Variants in PRKN observed in about 807,000 individuals in gnomAD.
PRKN encodes E3 ubiquitin-protein ligase parkin.
PRKN carries 56 observed loss-of-function variants against 59.5 expected under a neutral mutation model. That is an observed-to-expected ratio of 0.94 (90% CI 0.76 to 1.18). The LOEUF (loss-of-function observed/expected upper bound fraction) is 1.18. Among genes scored for constraint, PRKN ranks in the 50% most tolerant of loss-of-function variants. The pLI is 0.00. For missense variants in PRKN, 657 were observed against 596.4 expected, an observed-to-expected ratio of 1.10 and a Z score of -1.06; for synonymous variants, 250 against 222.1, an observed-to-expected ratio of 1.13 and a Z score of -1.12.
At chr6:161,874,498 A>AATATATTATATGTAAAAT (rs1275045882) in intron 6 of PRKN, among the ~76,000 whole-genome samples, 2 of 80,486 alleles carry the variant, frequency 2.5e-5, no homozygotes, top group African/African-American at 8.3e-5. Flanking sequence ...TTATATGTAA[A>AATATATTATATGTAAAAT]ATATATTATA....
chr6:162,253,042 G>T (rs1779499696), intron 3 of PRKN, among the ~76,000 whole-genome samples: 1 of 152,348 alleles, frequency 6.6e-6, no homozygotes, highest in East Asian at 1.9e-4. Context: ...CCTACCACCT[G>T]CGTGTGCTAT....
intron 2 of PRKN, among the ~76,000 whole-genome samples, chr6:162,359,675 T>C (rs762420680): frequency 8.5e-5 from 13 of 152,090 alleles, no homozygotes; most frequent in Non-Finnish European, 1.8e-4. Context: ...CCAAAATGTC[T>C]TAATACCCAC....
rs183873232 is a variant in PRKN at position 161,999,466 on chromosome 6, C to A, written c.619-26049G>T. 1.1e-3 allele frequency among the ~76,000 whole-genome samples: 172 copies of A among 152,230 alleles called. 2 individuals are homozygous for A. The Middle Eastern group carries it at 0.024, about 21-fold the overall frequency. On this transcript the variant is annotated intron_variant, in intron 5 of 11. Transcript: ENST00000366898. ...GTGTCTTGTAGTGAAAAGGTGAAAG[C>A]ACAAGCAGTGAATCCCCATCTATGC...
At chr6:162,418,386 G>T (rs1562750074) in intron 2 of PRKN, among the ~76,000 whole-genome samples, 1 of 152,114 alleles carries the variant, frequency 6.6e-6, no homozygotes, top group African/African-American at 2.4e-5. Flanking sequence ...TTCTTTTGGG[G>T]TTGATGAAAG....
intron 5 of PRKN, among the ~76,000 whole-genome samples, chr6:161,997,618 G>C (rs1246417954): frequency 6.6e-6 from 1 of 152,134 alleles, no homozygotes; most frequent in Non-Finnish European, 1.5e-5. Context: ...TGTCTACTCA[G>C]AACATACTAA....
chr6:162,531,148 C>T (rs1194716849), intron 1 of PRKN, among the ~76,000 whole-genome samples: 1 of 151,590 alleles, frequency 6.6e-6, no homozygotes, highest in Non-Finnish European at 1.5e-5. Context: ...GGGTGGATCA[C>T]CTGAGGTCAG....
chr6:162,003,108 G>T (rs966596134), intron 5 of PRKN, among the ~76,000 whole-genome samples: 6 of 151,434 alleles, frequency 4.0e-5, no homozygotes. Flanking sequence ...TGGTGGAAGT[G>T]GTCTATAGAG....
At chr6:162,359,985 C>T (rs578077796) in intron 2 of PRKN, among the ~76,000 whole-genome samples, 90 of 152,224 alleles carry the variant, frequency 5.9e-4, no homozygotes, top group Middle Eastern at 6.8e-3. Context: ...TCTCAGTTCT[C>T]GTCCCATGTC....
intron 6 of PRKN, among the ~76,000 whole-genome samples, chr6:161,913,487 G>A (rs1049954671): frequency 7.9e-5 from 12 of 151,986 alleles, no homozygotes; most frequent in Non-Finnish European, 1.3e-4. Flanking sequence ...CTATTGGATT[G>A]GAAGATATTT....
rs73783473 is a variant in PRKN, at chr6:162,302,866, G to A, written c.172-40101C>T. Among the ~76,000 whole-genome samples the A allele has an allele frequency of 9.3e-3, 1,403 of 151,612 alleles. 35 individuals carry two copies. Among genetic ancestry groups the A allele is most frequent in the African/African-American group, 0.032 (1,326 of 41,282 alleles). ...TCCCACTGCCACATTTATATTTCTT[G>A]TTCAATTAGTTCATTATTTTGGTGC... On this transcript the variant is annotated intron_variant, in intron 2 of 11. Coordinates refer to ENST00000366898, the MANE Select transcript of PRKN (RefSeq NM_004562.3).
At chr6:161,812,301 G>A (rs1055976631) in intron 6 of PRKN, among the ~76,000 whole-genome samples, 1 of 152,114 alleles carries the variant, frequency 6.6e-6, no homozygotes, top group African/African-American at 2.4e-5. Flanking sequence ...GCTAAGGCAG[G>A]GGGTGGGAGT....
intron 4 of PRKN, among the ~76,000 whole-genome samples, chr6:162,121,684 T>C (rs1363494196): frequency 6.6e-6 from 1 of 152,150 alleles, no homozygotes; most frequent in Non-Finnish European, 1.5e-5. Flanking sequence ...TGATACAGAC[T>C]AAACACCTCA....
At chr6:161,557,450 CCCAGAAGGG>C (rs1780279806) in intron 8 of PRKN, among the ~76,000 whole-genome samples, 1 of 152,022 alleles carries the variant, frequency 6.6e-6, no homozygotes, top group East Asian at 1.9e-4. Flanking sequence ...ACGTTCAAGC[CCCAGAAGGG>C]CCAGTGAACT....
chr6:161,571,580 G>C (rs766808492), intron 7 of PRKN, among the ~76,000 whole-genome samples: 1 of 152,208 alleles, frequency 6.6e-6, no homozygotes, highest in African/African-American at 2.4e-5. Context: ...GGAATAAACT[G>C]CCTTATAAGA....
intron 2 of PRKN, among the ~76,000 whole-genome samples, chr6:162,417,347 G>A (rs1393535850): frequency 1.3e-5 from 2 of 152,078 alleles, no homozygotes; most frequent in Non-Finnish European, 2.9e-5. Context: ...GCTAGGGGTC[G>A]CTGCCTTTCC....
intron 5 of PRKN, among the ~76,000 whole-genome samples, chr6:161,986,256 C>T (rs1431542806): frequency 1.3e-5 from 2 of 152,238 alleles, no homozygotes; most frequent in Non-Finnish European, 2.9e-5. Flanking sequence ...TGCAGGGTAG[C>T]CCTGCTCTGC....
chr6:162,693,506 C>T (rs534010678), intron 1 of PRKN, among the ~76,000 whole-genome samples: 1 of 152,118 alleles, frequency 6.6e-6, no homozygotes, highest in African/African-American at 2.4e-5. Flanking sequence ...GATGTGAGGG[C>T]GGGGACAGCA....
chr6:161,683,026 C>T (rs1287673764), intron 7 of PRKN, among the ~76,000 whole-genome samples: 1 of 152,158 alleles, frequency 6.6e-6, no homozygotes, highest in Non-Finnish European at 1.5e-5. Flanking sequence ...TTCTTTTATC[C>T]TAAAAGCAAC....
intron 1 of PRKN, among the ~76,000 whole-genome samples, chr6:162,480,112 C>T (rs10945838): frequency 0.46 from 69,544 of 151,500 alleles, 16,145 homozygotes; most frequent in Middle Eastern, 0.53. Context: ...TATAAATACA[C>T]AAACCAGTAA....
Sources: allele counts gnomAD v4.1 joint callset (sites outside exome capture counted in the v4.1 genomes callset), GRCh38; gene constraint gnomAD v4.1.1; transcripts MANE v1.5; gene names NCBI Gene and HGNC (gene_info 2026-07-23, HGNC 2026-07-21).